IGFBP6: variants seen among roughly 807,000 people sequenced by gnomAD.
IGFBP6 encodes the protein insulin-like growth factor-binding protein 6.
In IGFBP6, 24 loss-of-function variants were observed where a neutral mutation model predicts 24.5. The observed-to-expected ratio is 0.98, with a 90% CI of 0.71 to 1.38. The LOEUF (loss-of-function observed/expected upper bound fraction) is 1.38. IGFBP6 is among the 40% of genes most tolerant of loss of function. IGFBP6 has a pLI of 0.00. For synonymous variants in IGFBP6, 147 were observed against 137.4 expected, an observed-to-expected ratio of 1.07 and a Z score of -0.49; for missense variants, 331 against 324.8, an observed-to-expected ratio of 1.02 and a Z score of -0.15.
chr12:53,101,411 G>C (rs777251201), intron 3 of IGFBP6, among the ~76,000 whole-genome samples: 4 of 152,184 alleles, frequency 2.6e-5, no homozygotes, highest in Non-Finnish European at 5.9e-5. Context: ...AGAATCCTCC[G>C]GAGGGCTTAT....
Position 53,102,247 on chromosome 12 carries a change from A to G in IGFBP6, c.*80A>G. The G allele has an allele frequency of 6.5e-7, 1 of 1,532,180 alleles. No homozygotes were observed. Among genetic ancestry groups the G allele is most frequent in the Non-Finnish European group, 8.9e-7 (1 of 1,126,478 alleles). 94.9% of individuals were successfully genotyped at this position (1,532,180 alleles called of 1,614,324 possible). On this transcript the variant is annotated 3_prime_UTR_variant, in exon 4 of 4. Coordinates refer to ENST00000301464, the MANE Select transcript of IGFBP6 (RefSeq NM_002178.3). ...ACTCAACAAAAAACCGAGGCCCTCA[A>G]TCCACCTTCAGGCCCCGCCCCATGG...
intron 2 of IGFBP6, 68 bp downstream of exon 2, chr12:53,100,925 C>T: frequency 6.2e-7 from 1 of 1,608,392 alleles, no homozygotes. Flanking sequence ...GAGACTGCTC[C>T]CTTGGGCTTG....
intron 2 of IGFBP6, 30 bp downstream of exon 2, chr12:53,100,887 G>A (rs1937815307): frequency 6.2e-7 from 1 of 1,613,516 alleles, no homozygotes; most frequent in South Asian, 1.1e-5. Context: ...GGAGCAGGAG[G>A]GGTGGGAAGC....
Position 53,098,037 on chromosome 12 carries a change from C to CCCGCGCGCCTGCTGGTGAGT in IGFBP6, c.327_334+12dup. 1 of 1,466,678 alleles carries CCCGCGCGCCTGCTGGTGAGT rather than the reference C, an allele frequency of 6.8e-7. No individual in the cohort carries two copies. The highest frequency in any genetic ancestry group is 8.9e-7 in the Non-Finnish European group (1 of 1,119,682). 90.9% of individuals were successfully genotyped at this position (1,466,678 alleles called of 1,614,324 possible). ...CTCGGCCGAGGCCGCTGCCTTCCGG[C>CCCGCGCGCCTGCTGGTGAGT]CCGCGCGCCTGCTGGTGAGTCCGCG... On this transcript the variant is annotated frameshift_variant, in exon 1 of 4. Coordinates refer to ENST00000301464, the MANE Select transcript of IGFBP6 (RefSeq NM_002178.3). LOFTEE classifies it high-confidence loss of function.
At chr12:53,098,662 G>A (rs988246579) in intron 1 of IGFBP6, among the ~76,000 whole-genome samples, 2 of 152,160 alleles carry the variant, frequency 1.3e-5, no homozygotes, top group Admixed American at 1.3e-4. Flanking sequence ...AAAGAGTAGG[G>A]GAAAGAGGGA....
intron 1 of IGFBP6, among the ~76,000 whole-genome samples, chr12:53,099,541 C>T (rs1238830917): frequency 6.6e-6 from 1 of 152,172 alleles, no homozygotes; most frequent in Non-Finnish European, 1.5e-5. Context: ...CAGGGACACA[C>T]ATTCCTTTTG....
intron 3 of IGFBP6, 112 bp from the exon 4 acceptor site, chr12:53,101,933 A>G: frequency 2.9e-6 from 2 of 699,756 alleles, no homozygotes; most frequent in South Asian, 2.3e-5. Flanking sequence ...AAGAGAGGGA[A>G]CCCCCGAGGA....
rs1365285222 is a variant in IGFBP6 at position 53,097,694 on chromosome 12, G to A, written c.-24G>A. 2.6e-6 allele frequency: 4 copies of A among 1,539,166 alleles called. No homozygotes were observed. Among genetic ancestry groups the A allele is most frequent in the Non-Finnish European group, 3.5e-6 (4 of 1,145,206 alleles). Reference sequence around the variant, plus strand: ...CTGCGCTGCGACTGCTCTGGAAGGAGAGGACGGGGCACAAACCCTGACCAT... The same window carrying A: ...CTGCGCTGCGACTGCTCTGGAAGGAAAGGACGGGGCACAAACCCTGACCAT... On this transcript the variant is annotated 5_prime_UTR_variant, in exon 1 of 4. Transcript: ENST00000301464.
In IGFBP6 at chr12:53,100,771, G is replaced by A; in HGVS notation, c.394G>A (p.Val132Met). ...PQAGTARPQDVNRRDQQRNPG... is the reference protein window; with the variant it reads ...PQAGTARPQDMNRRDQQRNPG... ...AGCAGGCACTGCCCGCCCACAGGAT[G>A]TGAACCGCAGAGACCAACAGAGGAA... The change falls in exon 2 of 4, where the codon GTG (valine) becomes ATG (methionine). Residue 132 changes from valine (V) to methionine (M), a missense_variant. Transcript: ENST00000301464. The A allele has an allele frequency of 1.2e-6, 2 of 1,614,188 alleles. No individual in the cohort carries two copies. Among genetic ancestry groups the A allele is most frequent in the African/African-American group, 2.7e-5 (2 of 75,062 alleles).
Position 53,097,676 on chromosome 12 carries a change from G to T in IGFBP6, c.-42G>T, listed in dbSNP as rs1444598237. On this transcript the variant is annotated 5_prime_UTR_variant, in exon 1 of 4. Coordinates refer to ENST00000301464, the MANE Select transcript of IGFBP6 (RefSeq NM_002178.3). ...GGCGGCGGCGGGCAGCAGCTGCGCT[G>T]CGACTGCTCTGGAAGGAGAGGACGG... The T allele has an allele frequency of 1.1e-5, 16 of 1,521,830 alleles. No individual in the cohort carries two copies. Among genetic ancestry groups the T allele is most frequent in the Non-Finnish European group, 1.4e-5 (16 of 1,139,218 alleles). 94.3% of individuals were successfully genotyped at this position (1,521,830 alleles called of 1,614,324 possible).
intron 1 of IGFBP6, chr12:53,099,152 G>A (rs1471724340): frequency 3.2e-6 from 1 of 317,378 alleles, no homozygotes; most frequent in Non-Finnish European, 6.8e-6. Context: ...AGAGGAAGAG[G>A]ATCCCTTCAG....
In IGFBP6 at chr12:53,097,908, T is replaced by A; in HGVS notation, c.191T>A (p.Leu64His). 1 of 1,516,762 alleles carries A rather than the reference T, an allele frequency of 6.6e-7. No homozygotes were observed. The highest frequency in any genetic ancestry group is 8.8e-7 in the Non-Finnish European group (1 of 1,135,574). The allele number at this position is 1,516,762 out of a possible 1,614,324, so 94.0% of individuals were successfully genotyped here. A position where few individuals can be genotyped will look rare whatever the true frequency, so the allele number is the denominator to read the frequency against. The change falls in exon 1 of 4, where the codon CTC (leucine) becomes CAC (histidine). Residue 64 changes from leucine to histidine, a missense_variant. Coordinates refer to ENST00000301464, the MANE Select transcript of IGFBP6 (RefSeq NM_002178.3). ...AEGCAEAEGCLRREGQECGVY... is the reference protein window; with the variant it reads ...AEGCAEAEGCHRREGQECGVY... ...GGCTGCGCGGAAGCTGAGGGCTGTCTCAGGAGGGAGGGGCAGGAGTGCGGG... is the reference window on the plus strand; with the variant it reads ...GGCTGCGCGGAAGCTGAGGGCTGTCACAGGAGGGAGGGGCAGGAGTGCGGG...
At chr12:53,100,428 C>T (rs1033577175) in intron 1 of IGFBP6, among the ~76,000 whole-genome samples, 2 of 152,264 alleles carry the variant, frequency 1.3e-5, no homozygotes, top group Admixed American at 6.5e-5. Flanking sequence ...TCTCAAAGTT[C>T]TGGGATTACA....
intron 1 of IGFBP6, 115 bp downstream of exon 1, chr12:53,098,166 C>G: frequency 8.2e-7 from 1 of 1,226,780 alleles, no homozygotes; most frequent in Non-Finnish European, 1.1e-6. Flanking sequence ...GCCCTTGACG[C>G]TTCCGACTTT....
At position 53,097,692 on chromosome 12, in the gene IGFBP6, G is replaced by T. The variant is rs1202701281; in HGVS notation, c.-26G>T. On this transcript the variant is annotated 5_prime_UTR_variant, in exon 1 of 4. Transcript: ENST00000301464. ...AGCTGCGCTGCGACTGCTCTGGAAG[G>T]AGAGGACGGGGCACAAACCCTGACC... 6.5e-7 allele frequency: 1 copy of T among 1,538,024 alleles called. No individual in the cohort carries two copies.
At chr12:53,100,937 A>C (rs1937816440) in intron 2 of IGFBP6, 80 bp downstream of exon 2, 8 of 1,606,142 alleles carry the variant, frequency 5.0e-6, no homozygotes, top group African/African-American at 2.7e-5. Context: ...TTGGGCTTGG[A>C]GACGTCTCCA....
intron 2 of IGFBP6, 32 bp from the exon 3 acceptor site, chr12:53,101,009 C>A: frequency 6.2e-7 from 1 of 1,608,982 alleles, no homozygotes; most frequent in South Asian, 1.1e-5. Flanking sequence ...TGGGCTGGAG[C>A]GGTTCTAAGC....
In IGFBP6 at chr12:53,102,177, A is replaced by C; in HGVS notation, c.*10A>C. 6.2e-7 allele frequency: 1 copy of C among 1,613,488 alleles called. No homozygotes were observed. The highest frequency in any genetic ancestry group is 8.5e-7 in the Non-Finnish European group (1 of 1,179,794). On this transcript the variant is annotated 3_prime_UTR_variant, in exon 4 of 4. Transcript: ENST00000301464. ...TGGGAGTAGCGGCTAAAGCTGGGGG[A>C]TAGAGGGGCTGCAGGGCCACTGGAA...
chr12:53,098,161 T>C, intron 1 of IGFBP6, 110 bp downstream of exon 1: 1 of 1,249,808 alleles, frequency 8.0e-7, no homozygotes, highest in Non-Finnish European at 1.0e-6. Flanking sequence ...CCCTGGCCCT[T>C]GACGCTTCCG....
Sources: gnomAD v4.1 joint callset for allele counts (sites outside exome capture counted in the v4.1 genomes callset) on GRCh38, gnomAD v4.1.1 for gene constraint, MANE v1.5 for transcripts, NCBI Gene and HGNC (gene_info 2026-07-23, HGNC 2026-07-21) for gene names.